The following PCDHGB7 variants were observed in gnomAD, a reference collection of about 807,000 sequenced individuals.
The protein encoded by PCDHGB7 is protocadherin gamma subfamily B, 7.
A neutral mutation model predicts 61.4 loss-of-function variants in PCDHGB7; 37 were observed. That is an observed-to-expected ratio of 0.60 (90% CI 0.46 to 0.79). PCDHGB7 has a LOEUF of 0.79. Among genes scored for constraint, PCDHGB7 ranks in the 30% least tolerant of loss-of-function variants. PCDHGB7 has a pLI of 0.00. For synonymous variants in PCDHGB7, 464 were observed against 503.5 expected (o/e 0.92, Z 1.05); for missense variants, 1,166 against 1,202.5 (o/e 0.97, Z 0.45).
Position 141,490,369 on chromosome 5 carries a change from C to T in PCDHGB7, c.2416-4438C>T, listed in dbSNP as rs201347968. On this transcript the variant is annotated intron_variant, in intron 1 of 3. Transcript: ENST00000398594. This position sits in a 1 kb window ranked among gnomAD's most constrained non-coding sequence, Gnocchi z 5.4. ...AGTGGGGTTGTTTAATGTGCGAGAC[C>T]GGGACTCAGGTAGAAATGGTGAAGT... The T allele has an allele frequency of 4.0e-5, 64 of 1,614,090 alleles. No individual in the cohort carries two copies. In the Admixed American group the frequency reaches 6.0e-4, roughly 15 times the overall value.
intron 1 of PCDHGB7, among the ~76,000 whole-genome samples, chr5:141,458,009 G>T (rs1039110082): frequency 2.6e-5 from 4 of 152,142 alleles, no homozygotes; most frequent in Non-Finnish European, 4.4e-5. Context: ...AAAATAACCG[G>T]TTTTTCCAAT....
rs1421497518 is a variant in PCDHGB7 at position 141,431,979 on chromosome 5, A to G, written c.2415+11705A>G. ...GGAAATTACTATAGTTTAGTCACAGACATAGTCTTGGATAGGGAACAGGTT... is the reference window on the plus strand; with the variant it reads ...GGAAATTACTATAGTTTAGTCACAGGCATAGTCTTGGATAGGGAACAGGTT... On this transcript the variant is annotated intron_variant, in intron 1 of 3. Coordinates refer to ENST00000398594, the MANE Select transcript of PCDHGB7 (RefSeq NM_018927.4). This position sits in a 1 kb window ranked among gnomAD's most constrained non-coding sequence, Gnocchi z 4.8. 6.2e-7 allele frequency: 1 copy of G among 1,614,078 alleles called. No homozygotes were observed. The highest frequency in any genetic ancestry group is 1.3e-5 in the African/African-American group (1 of 74,932).
chr5:141,457,301 CCAAA>C (rs1163780799), intron 1 of PCDHGB7, among the ~76,000 whole-genome samples: 1 of 152,090 alleles, frequency 6.6e-6, no homozygotes, highest in Non-Finnish European at 1.5e-5. Context: ...TTTTATTTTC[CCAAA>C]CAAAGAAACC....
intron 1 of PCDHGB7, among the ~76,000 whole-genome samples, chr5:141,458,408 C>A (rs895785923): frequency 6.6e-6 from 1 of 151,932 alleles, no homozygotes; most frequent in East Asian, 1.9e-4. Flanking sequence ...AGAGACGGAG[C>A]GGGGGTTCCA....
rs370067669 is a variant in PCDHGB7 at position 141,419,410 on chromosome 5, G to A, written c.1551G>A (p.Gln517=). ...VSAQSGVVFA[Q]RAFDHEQLRT... is the part of the protein sequence containing the mutation. ...CGCAGAGCGGGGTGGTGTTCGCGCA[G>A]CGCGCCTTCGACCACGAGCAGCTGC... Residue 517 remains glutamine, a synonymous_variant, in exon 1 of 4, where the codon CAG becomes CAA. Coordinates refer to ENST00000398594, the MANE Select transcript of PCDHGB7 (RefSeq NM_018927.4). 140 of 1,613,468 alleles carry A rather than the reference G, an allele frequency of 8.7e-5. No individual in the cohort carries two copies. In the African/African-American group the frequency reaches 1.8e-3, roughly 20 times the overall value.
intron 1 of PCDHGB7, among the ~76,000 whole-genome samples, chr5:141,465,116 C>A (rs2099097321): frequency 6.6e-6 from 1 of 150,972 alleles, no homozygotes; most frequent in Non-Finnish European, 1.5e-5. Context: ...AGTGTTTTAG[C>A]CTAAATTTGT....
At chr5:141,450,772 C>T (rs544188262) in intron 1 of PCDHGB7, among the ~76,000 whole-genome samples, 1 of 151,944 alleles carries the variant, frequency 6.6e-6, no homozygotes, top group African/African-American at 2.4e-5. Flanking sequence ...CAGGCATGAG[C>T]CACCGTGCCC....
chr5:141,470,915 C>A (rs2099244061), intron 1 of PCDHGB7, among the ~76,000 whole-genome samples: 1 of 152,010 alleles, frequency 6.6e-6, no homozygotes, highest in Non-Finnish European at 1.5e-5. Flanking sequence ...GGGACTGTCC[C>A]TATGTTGCTC....
intron 1 of PCDHGB7, among the ~76,000 whole-genome samples, chr5:141,465,502 G>T (rs948827391): frequency 6.6e-6 from 1 of 152,152 alleles, no homozygotes; most frequent in Non-Finnish European, 1.5e-5. Flanking sequence ...GAGCATTGTC[G>T]TGGTCAGGAA....
At chr5:141,465,856 C>T (rs1442431032) in intron 1 of PCDHGB7, among the ~76,000 whole-genome samples, 1 of 152,184 alleles carries the variant, frequency 6.6e-6, no homozygotes, top group East Asian at 1.9e-4. Context: ...GGCCCAGTGG[C>T]TCATGCCTGT....
rs1562142740 is a variant in PCDHGB7, at chr5:141,490,958, ACT to A, written c.2416-3847_2416-3846del. 1 of 1,613,728 alleles carries A rather than the reference ACT, an allele frequency of 6.2e-7. No homozygotes were observed. Among genetic ancestry groups the A allele is most frequent in the Non-Finnish European group, 8.5e-7 (1 of 1,179,830 alleles). On this transcript the variant is annotated intron_variant, in intron 1 of 3. Transcript: ENST00000398594. The surrounding 1 kb of genome is among the most constrained non-coding windows in gnomAD (Gnocchi z 5.4). Reference sequence around the variant, plus strand: ...CTGCACCCACGGCCAGACTGGGAACACTCAGCCCCCCAGCGTCTCCCTCGCTC... The same window carrying A: ...CTGCACCCACGGCCAGACTGGGAACACAGCCCCCCAGCGTCTCCCTCGCTC...
chr5:141,419,761 C>A lies in PCDHGB7; in HGVS notation c.1902C>A (p.Asp634Glu). 1 of 1,614,008 alleles carries A rather than the reference C, an allele frequency of 6.2e-7. No homozygotes were observed. The highest frequency in any genetic ancestry group is 1.1e-5 in the South Asian group (1 of 91,090). ...GEVRMVRALG[D>E]KDSVRQRLLV... ...TGCGCATGGTGCGTGCTTTGGGTGACAAGGACTCGGTCCGCCAGCGCCTGC... is the reference window on the plus strand; with the variant it reads ...TGCGCATGGTGCGTGCTTTGGGTGAAAAGGACTCGGTCCGCCAGCGCCTGC... Residue 634 changes from aspartate (D) to glutamate (E), a missense_variant, in exon 1 of 4, where the codon GAC becomes GAA. Physicochemically the swap from Asp to Glu is conservative, Grantham distance 45. Transcript: ENST00000398594.
At chr5:141,509,322 C>G (rs563556144) in intron 3 of PCDHGB7, among the ~76,000 whole-genome samples, 1 of 152,318 alleles carries the variant, frequency 6.6e-6, no homozygotes, top group East Asian at 1.9e-4. Flanking sequence ...GAGAGAAGCT[C>G]TACTGCCAGC....
rs1057108915 is a variant in PCDHGB7 at position 141,511,366 on chromosome 5, T to C, written c.*193T>C. The C allele has an allele frequency of 3.8e-6, 5 of 1,306,414 alleles. No individual in the cohort carries two copies. In the Admixed American group the frequency reaches 8.4e-5, roughly 22 times the overall value. The allele number at this position is 1,306,414 out of a possible 1,614,324, so 80.9% of individuals were successfully genotyped here. A position where few individuals can be genotyped will look rare whatever the true frequency, so the allele number is the denominator to read the frequency against. On this transcript the variant is annotated 3_prime_UTR_variant, in exon 4 of 4. Transcript: ENST00000398594. ...CCCTTCCCCCCCAGGGGGTTGAATA[T>C]GCAAAAGCAGTTCCGCTGGGAACCC...
At chr5:141,497,855 C>T (rs1447484949) in intron 2 of PCDHGB7, among the ~76,000 whole-genome samples, 1 of 152,122 alleles carries the variant, frequency 6.6e-6, no homozygotes, top group Non-Finnish European at 1.5e-5. Flanking sequence ...ATTTTTGATT[C>T]AGCGGCTCCA....
At chr5:141,427,826 G>A (rs550161736) in intron 1 of PCDHGB7, 2 of 1,536,500 alleles carry the variant, frequency 1.3e-6, no homozygotes, top group Admixed American at 3.3e-5. Flanking sequence ...TGGTGGTCGC[G>A]CAGCGTGCCT....
chr5:141,431,709 T>A lies in PCDHGB7; in HGVS notation c.2415+11435T>A. 6.2e-7 allele frequency: 1 copy of A among 1,614,168 alleles called. No individual in the cohort carries two copies. Among genetic ancestry groups the A allele is most frequent in the Non-Finnish European group, 8.5e-7 (1 of 1,180,018 alleles). ...CACGAGGAGTCAGGATTCTACCAGA[T>A]GGAAGTGCAAGCAATGGATAATGCA... On this transcript the variant is annotated intron_variant, in intron 1 of 3. Coordinates refer to ENST00000398594, the MANE Select transcript of PCDHGB7 (RefSeq NM_018927.4). This position sits in a 1 kb window ranked among gnomAD's most constrained non-coding sequence, Gnocchi z 4.8.
intron 3 of PCDHGB7, among the ~76,000 whole-genome samples, chr5:141,510,272 T>TA (rs546154379): frequency 0.17 from 22,022 of 130,294 alleles, 2,255 homozygotes; most frequent in African/African-American, 0.28. Flanking sequence ...GACTCCATCT[T>TA]AAAAAAAAAA....
intron 1 of PCDHGB7, among the ~76,000 whole-genome samples, chr5:141,445,920 A>C (rs1343777309): frequency 6.6e-6 from 1 of 152,212 alleles, no homozygotes; most frequent in African/African-American, 2.4e-5. Context: ...GGCAGTGACA[A>C]GATATTTGAA....
Sources: allele counts gnomAD v4.1 joint callset (sites outside exome capture counted in the v4.1 genomes callset), GRCh38; gene constraint gnomAD v4.1.1; non-coding constraint Gnocchi (gnomAD v3.1); transcripts MANE v1.5; gene names NCBI Gene and HGNC (gene_info 2026-07-23, HGNC 2026-07-21).